The following COL8A1 variants were observed in gnomAD, a reference collection of about 807,000 sequenced individuals.
COL8A1 encodes collagen type VIII alpha 1 chain.
A neutral mutation model predicts 42.7 loss-of-function variants in COL8A1; 21 were observed. The observed-to-expected ratio is 0.49, with a 90% CI of 0.35 to 0.71. The LOEUF is 0.71. COL8A1 is among the 30% of genes least tolerant of loss of function. The pLI is 0.01. For missense variants in COL8A1, 788 were observed against 962.4 expected (o/e 0.82, Z 2.40); for synonymous variants, 367 against 369.1 (o/e 0.99, Z 0.06).
chr3:99,712,708 C>A (rs1364273305), intron 1 of COL8A1, among the ~76,000 whole-genome samples: 3 of 152,050 alleles, frequency 2.0e-5, no homozygotes, highest in African/African-American at 4.8e-5. Flanking sequence ...GAAGAAATCC[C>A]AGAACTGAGA....
chr3:99,783,900 A>ATT (rs1360223025), intron 2 of COL8A1, among the ~76,000 whole-genome samples: 1 of 152,170 alleles, frequency 6.6e-6, no homozygotes, highest in East Asian at 1.9e-4. Context: ...TTGAGATGAG[A>ATT]TTTCGGTGGG....
intron 2 of COL8A1, among the ~76,000 whole-genome samples, chr3:99,759,229 G>T (rs1941319119): frequency 6.6e-6 from 1 of 151,470 alleles, no homozygotes; most frequent in African/African-American, 2.4e-5. Flanking sequence ...ATTTGTCACT[G>T]TCTAGAAGTA....
chr3:99,716,109 C>T (rs1005648220), intron 1 of COL8A1, among the ~76,000 whole-genome samples: 1 of 152,030 alleles, frequency 6.6e-6, no homozygotes, highest in African/African-American at 2.4e-5. Context: ...CAAATTAAAA[C>T]TTGGTGCACC....
intron 1 of COL8A1, among the ~76,000 whole-genome samples, chr3:99,665,724 C>CG (rs1559772056): frequency 7.0e-6 from 1 of 142,788 alleles, no homozygotes; most frequent in African/African-American, 2.6e-5. Context: ...TCTTTTTGCC[C>CG]GGGCTGGAGG....
chr3:99,732,882 G>C (rs969714167), intron 1 of COL8A1, among the ~76,000 whole-genome samples: 1 of 152,136 alleles, frequency 6.6e-6, no homozygotes, highest in Non-Finnish European at 1.5e-5. Flanking sequence ...TGGGGGTACA[G>C]GTATTGGGAA....
rs1319548009 is a variant in COL8A1, at chr3:99,676,405, G to C, written c.-129+37741G>C. Among the ~76,000 whole-genome samples the C allele has an allele frequency of 5.9e-5, 9 of 152,204 alleles. No individual in the cohort carries two copies. The South Asian group carries it at 1.9e-3, about 32-fold the overall frequency. ...AGATACATGGTTGCAAAATGATCAA[G>C]TAGGCTTTTTTCCAGGACTAGAAGA... On this transcript the variant is annotated intron_variant, in intron 1 of 3. Transcript: ENST00000652472.
At chr3:99,773,789 G>A (rs1395125617) in intron 2 of COL8A1, among the ~76,000 whole-genome samples, 3 of 110,788 alleles carry the variant, frequency 2.7e-5, no homozygotes, top group Non-Finnish European at 3.5e-5. Context: ...GAATAGATGG[G>A]TAAGTAGATG....
intron 1 of COL8A1, among the ~76,000 whole-genome samples, 183 bp from the exon 2 acceptor site, chr3:99,744,714 A>G (rs1272024229): frequency 6.6e-6 from 1 of 152,240 alleles, no homozygotes; most frequent in African/African-American, 2.4e-5. Flanking sequence ...AAAAGCAATA[A>G]AGATATACAA....
intron 1 of COL8A1, among the ~76,000 whole-genome samples, chr3:99,697,188 G>A (rs1054264201): frequency 4.0e-5 from 6 of 151,356 alleles, no homozygotes; most frequent in Admixed American, 6.6e-5. Flanking sequence ...GGGTTTCACC[G>A]TTTTAGCCGG....
chr3:99,654,443 T>C (rs1418535899), intron 1 of COL8A1, among the ~76,000 whole-genome samples: 2 of 152,208 alleles, frequency 1.3e-5, no homozygotes, highest in Non-Finnish European at 2.9e-5. Context: ...TTTACCTGTG[T>C]GTCTTAATTA....
At chr3:99,677,087 A>G (rs1938721366) in intron 1 of COL8A1, among the ~76,000 whole-genome samples, 1 of 150,206 alleles carries the variant, frequency 6.7e-6, no homozygotes. Context: ...AGAGAGAGGG[A>G]GAAAGAAATT....
At chr3:99,793,575 T>A (rs568264092) in intron 3 of COL8A1, among the ~76,000 whole-genome samples, 2 of 152,208 alleles carry the variant, frequency 1.3e-5, no homozygotes, top group South Asian at 2.1e-4. Flanking sequence ...AAATTCACTA[T>A]AATAAACACA....
At chr3:99,725,096 C>G (rs913994470) in intron 1 of COL8A1, among the ~76,000 whole-genome samples, 4 of 152,120 alleles carry the variant, frequency 2.6e-5, no homozygotes, top group Middle Eastern at 3.4e-3. Context: ...GTTACTATTA[C>G]TGAAAGAGGC....
intron 1 of COL8A1, among the ~76,000 whole-genome samples, chr3:99,669,146 T>TATATATATAGAGAGAGAGAGAGAGAG: frequency 8.7e-6 from 1 of 115,364 alleles, no homozygotes; most frequent in African/African-American, 3.0e-5. Flanking sequence ...TATATATATA[T>TATATATATAGAGAGAGAGAGAGAGAG]AGAGGGAGAG....
intron 1 of COL8A1, among the ~76,000 whole-genome samples, chr3:99,662,445 A>G (rs1360910839): frequency 6.6e-6 from 1 of 152,160 alleles, no homozygotes; most frequent in Non-Finnish European, 1.5e-5. Context: ...TAGAGAAAAC[A>G]TGCAAGTCTT....
chr3:99,762,754 T>C (rs919316210), intron 2 of COL8A1, among the ~76,000 whole-genome samples: 1 of 152,186 alleles, frequency 6.6e-6, no homozygotes, highest in Non-Finnish European at 1.5e-5. Flanking sequence ...TTTAAGATCA[T>C]CTGCATAGAG....
intron 1 of COL8A1, among the ~76,000 whole-genome samples, chr3:99,727,171 A>G (rs1409008380): frequency 3.3e-5 from 5 of 152,044 alleles, no homozygotes; most frequent in Admixed American, 2.6e-4. Context: ...TTCTCTTTGA[A>G]GCAATTGTGA....
Position 99,682,745 on chromosome 3 carries a change from CCTAT to C in COL8A1, c.-129+44082_-129+44085del, listed in dbSNP as rs557996385. Among the ~76,000 whole-genome samples, 729 of 152,246 alleles carry C rather than the reference CCTAT, an allele frequency of 4.8e-3. 6 individuals carry two copies. Among genetic ancestry groups the C allele is most frequent in the African/African-American group, 0.017 (687 of 41,522 alleles). On this transcript the variant is annotated intron_variant, in intron 1 of 3. Coordinates refer to ENST00000652472, the MANE Select transcript of COL8A1 (RefSeq NM_020351.4). ...CTCCAATGCTCAATTTCCTCTCTTACCTATTGAACAGTATCTGTTGAGCATGTAC... is the reference window on the plus strand; with the variant it reads ...CTCCAATGCTCAATTTCCTCTCTTACTGAACAGTATCTGTTGAGCATGTAC...
At chr3:99,682,327 G>A (rs928935502) in intron 1 of COL8A1, among the ~76,000 whole-genome samples, 2 of 152,164 alleles carry the variant, frequency 1.3e-5, no homozygotes, top group Admixed American at 1.3e-4. Context: ...TGAGATGGCA[G>A]AATGGCTTGA....
Sources: gnomAD v4.1 joint callset for allele counts (sites outside exome capture counted in the v4.1 genomes callset) on GRCh38, gnomAD v4.1.1 for gene constraint, MANE v1.5 for transcripts, NCBI Gene and HGNC (gene_info 2026-07-23, HGNC 2026-07-21) for gene names.